Variants in PDE1A observed in about 807,000 individuals in gnomAD.
PDE1A encodes phosphodiesterase 1A, also known as dual specificity calcium/calmodulin-dependent 3',5'-cyclic nucleotide phosphodiesterase 1A.
A neutral mutation model predicts 61.7 loss-of-function variants in PDE1A; 35 were observed. The observed-to-expected ratio is 0.57, with a 90% CI of 0.43 to 0.75. The LOEUF (loss-of-function observed/expected upper bound fraction) is 0.75. Ranked by LOEUF, PDE1A falls within the 30% of genes least tolerant of loss-of-function variation. The pLI is 0.00. For missense variants in PDE1A, 597 were observed against 630.6 expected (o/e 0.95, Z 0.57); for synonymous variants, 232 against 213.2 (o/e 1.09, Z -0.77).
intron 2 of PDE1A, among the ~76,000 whole-genome samples, chr2:182,494,591 C>A (rs1271926851): frequency 1.3e-5 from 2 of 150,086 alleles, no homozygotes; most frequent in Non-Finnish European, 3.0e-5. Flanking sequence ...CTGGATGAAT[C>A]CACCTCCCAC....
intron 1 of PDE1A, among the ~76,000 whole-genome samples, chr2:182,325,459 GA>G (rs907714964): frequency 5.3e-5 from 8 of 151,778 alleles, no homozygotes; most frequent in African/African-American, 1.9e-4. Flanking sequence ...CAAAACAATG[GA>G]AAAAAATTGA....
intron 1 of PDE1A, among the ~76,000 whole-genome samples, chr2:182,369,895 C>T (rs77554652): frequency 0.024 from 3,591 of 152,298 alleles, 200 homozygotes; most frequent in East Asian, 0.21. Context: ...GTTTCATTGG[C>T]TGGGCGCAGT....
Position 182,486,867 on chromosome 2 carries a change from T to C in PDE1A, c.101+35409A>G, listed in dbSNP as rs558414499. On this transcript the variant is annotated intron_variant, in intron 2 of 14. Transcript: ENST00000410103. ...AGGAGAGAATTTTTGTGACCTTAGA[T>C]TAGGCAAAGATTAAGACACTAAAAG... Among the ~76,000 whole-genome samples the C allele has an allele frequency of 2.6e-5, 4 of 152,162 alleles. No individual in the cohort carries two copies. The East Asian group carries it at 7.7e-4, about 29-fold the overall frequency.
intron 8 of PDE1A, among the ~76,000 whole-genome samples, chr2:182,202,704 C>T (rs1686766468): frequency 6.6e-6 from 1 of 152,096 alleles, no homozygotes; most frequent in African/African-American, 2.4e-5. Flanking sequence ...TCTGACCCTC[C>T]CTAACATAAA....
intron 2 of PDE1A, among the ~76,000 whole-genome samples, chr2:182,507,002 A>T (rs1689453792): frequency 6.6e-6 from 1 of 152,238 alleles, no homozygotes; most frequent in East Asian, 1.9e-4. Flanking sequence ...GCACTGGAAG[A>T]AATATTTTAT....
intron 7 of PDE1A, among the ~76,000 whole-genome samples, chr2:182,209,920 C>G (rs1687442231): frequency 6.6e-6 from 1 of 152,128 alleles, no homozygotes; most frequent in African/African-American, 2.4e-5. Flanking sequence ...ACAATTGGTT[C>G]CTTTCACTCA....
intron 1 of PDE1A, among the ~76,000 whole-genome samples, chr2:182,309,655 A>G (rs1695832932): frequency 6.7e-6 from 1 of 148,912 alleles, no homozygotes; most frequent in African/African-American, 2.4e-5. Context: ...TCAAAATCAC[A>G]TGTGCAATTG....
rs73049877 is a variant in PDE1A at position 182,256,858 on chromosome 2, A to T, written c.167+7443T>A. ...CTCAAGTATATGTCCAAATCAGTAG[A>T]TTGGTCTATCTCTGTTTTTTGTACT... On this transcript the variant is annotated intron_variant, in intron 2 of 13. Coordinates refer to ENST00000351439, the Ensembl canonical transcript of PDE1A. Among the ~76,000 whole-genome samples, 1,076 of 152,326 alleles carry T rather than the reference A, an allele frequency of 7.1e-3. 10 individuals carry two copies. Among genetic ancestry groups the T allele is most frequent in the African/African-American group, 0.024 (987 of 41,556 alleles).
chr2:182,626,481 T>G, the PDE1A span, among the ~76,000 whole-genome samples: 1,350 of 151,756 alleles, frequency 8.9e-3, 10 homozygotes, highest in South Asian at 0.024. Flanking sequence ...TTCTGATTAT[T>G]TCAAACACAT....
chr2:182,650,133 A>G, the PDE1A span, among the ~76,000 whole-genome samples: 1 of 152,154 alleles, frequency 6.6e-6, no homozygotes, highest in Non-Finnish European at 1.5e-5. Flanking sequence ...AAGATCCTAG[A>G]TCTATCCATA....
chr2:182,283,191 CTTG>C (rs909344791), intron 1 of PDE1A, among the ~76,000 whole-genome samples: 1 of 152,022 alleles, frequency 6.6e-6, no homozygotes, highest in Non-Finnish European at 1.5e-5. Context: ...TCACTGGACA[CTTG>C]TTGAGTGTCC....
intron 1 of PDE1A, among the ~76,000 whole-genome samples, chr2:182,295,178 C>T (rs2125899674): frequency 6.7e-6 from 1 of 149,116 alleles, no homozygotes; most frequent in East Asian, 2.0e-4. Flanking sequence ...GAGTTCACGC[C>T]ATTCTCCTGC....
chr2:182,670,014 A>G, the PDE1A span, among the ~76,000 whole-genome samples: 6 of 152,346 alleles, frequency 3.9e-5, no homozygotes, highest in East Asian at 1.2e-3. Context: ...TTAAGTAAAA[A>G]TGCTATATAA....
intron 2 of PDE1A, among the ~76,000 whole-genome samples, chr2:182,512,179 T>C (rs1574834234): frequency 6.6e-6 from 1 of 152,168 alleles, no homozygotes; most frequent in Non-Finnish European, 1.5e-5. Context: ...AAAGTCCTTT[T>C]TCCAGCACCT....
chr2:182,347,665 A>G (rs1052517918), intron 1 of PDE1A, among the ~76,000 whole-genome samples: 1 of 152,102 alleles, frequency 6.6e-6, no homozygotes, highest in African/African-American at 2.4e-5. Flanking sequence ...CATGCTAGAT[A>G]TTGTGCAGTA....
the PDE1A span, among the ~76,000 whole-genome samples, chr2:182,712,799 G>A: frequency 2.0e-5 from 3 of 152,040 alleles, no homozygotes; most frequent in South Asian, 2.1e-4. Flanking sequence ...CTCGTGATCC[G>A]CCTGCCTCAG....
At chr2:182,715,694 C>A in the PDE1A span, among the ~76,000 whole-genome samples, 1 of 152,162 alleles carries the variant, frequency 6.6e-6, no homozygotes, top group South Asian at 2.1e-4. Context: ...GACTCAGAAT[C>A]CAGAAAATAT....
chr2:182,211,689 C>A (rs181360918), intron 7 of PDE1A, among the ~76,000 whole-genome samples: 1 of 152,292 alleles, frequency 6.6e-6, no homozygotes, highest in Non-Finnish European at 1.5e-5. Flanking sequence ...CAAAGTTTTA[C>A]AGTTTTTCTT....
chr2:182,495,399 T>C (rs771024979), intron 2 of PDE1A, among the ~76,000 whole-genome samples: 3 of 152,150 alleles, frequency 2.0e-5, no homozygotes, highest in Non-Finnish European at 4.4e-5. Context: ...GCATGTAGAA[T>C]CTGGCTTTGG....
Sources: allele counts gnomAD v4.1 joint callset (sites outside exome capture counted in the v4.1 genomes callset), GRCh38; gene constraint gnomAD v4.1.1; transcripts MANE v1.5; gene names NCBI Gene and HGNC (gene_info 2026-07-23, HGNC 2026-07-21).